UBTD1: variants seen among roughly 807,000 people sequenced by gnomAD.
UBTD1 encodes the protein ubiquitin domain containing 1.
UBTD1 carries 19 observed loss-of-function variants against 21.7 expected under a neutral mutation model. The ratio of observed to expected loss-of-function variants is 0.87; its 90% CI spans 0.61 to 1.28. The LOEUF (loss-of-function observed/expected upper bound fraction) is 1.28, where lower values mean the gene tolerates loss of function less well. UBTD1 is among the 50% of genes most tolerant of loss of function. UBTD1 has a pLI of 0.00. For synonymous variants in UBTD1, 116 were observed against 135.1 expected (o/e 0.86, Z 0.98); for missense variants, 282 against 315.1 (o/e 0.89, Z 0.80).
intron 2 of UBTD1, among the ~76,000 whole-genome samples, chr10:97,568,790 A>G (rs2040730942): frequency 1.3e-5 from 2 of 152,188 alleles, no homozygotes; most frequent in South Asian, 4.1e-4. Context: ...CATGTAAAGC[A>G]GAGGGTGACA....
chr10:97,566,613 TG>T (rs544449207), intron 1 of UBTD1, among the ~76,000 whole-genome samples: 244 of 152,368 alleles, frequency 1.6e-3, no homozygotes, highest in Admixed American at 3.8e-3. Context: ...CTAAGGCTAC[TG>T]CAAGAATGAA....
intron 1 of UBTD1, among the ~76,000 whole-genome samples, chr10:97,546,280 G>A (rs1051976981): frequency 1.4e-4 from 22 of 152,052 alleles, no homozygotes; most frequent in African/African-American, 5.1e-4. Flanking sequence ...TGGTGCCTAG[G>A]TGTGTGTTTC....
chr10:97,556,384 G>T (rs2135683617), intron 1 of UBTD1, among the ~76,000 whole-genome samples: 1 of 152,310 alleles, frequency 6.6e-6, no homozygotes, highest in South Asian at 2.1e-4. Flanking sequence ...GTACTCAAGA[G>T]CTAGTCTATT....
intron 1 of UBTD1, among the ~76,000 whole-genome samples, chr10:97,545,387 C>CGTGTGGGTGTGT (rs141608116): frequency 1.4e-4 from 17 of 120,742 alleles, no homozygotes; most frequent in Admixed American, 5.5e-4. Flanking sequence ...GTATGGGGCT[C>CGTGTGGGTGTGT]GTGTGTGTGT....
chr10:97,521,287 G>T (rs1330966003), intron 1 of UBTD1, among the ~76,000 whole-genome samples: 1 of 152,232 alleles, frequency 6.6e-6, no homozygotes, highest in Non-Finnish European at 1.5e-5. Context: ...CTGGTGGAGG[G>T]CACGCTTGAG....
intron 1 of UBTD1, among the ~76,000 whole-genome samples, chr10:97,535,266 A>G (rs757328574): frequency 6.6e-6 from 1 of 152,222 alleles, no homozygotes; most frequent in Non-Finnish European, 1.5e-5. Context: ...ACATATCAAC[A>G]GCTAGGTCTT....
intron 1 of UBTD1, among the ~76,000 whole-genome samples, chr10:97,552,059 G>T (rs1005034621): frequency 6.6e-6 from 1 of 151,992 alleles, no homozygotes; most frequent in African/African-American, 2.4e-5. Flanking sequence ...TTATAGGTGC[G>T]AGCCACTGTG....
chr10:97,535,623 A>C (rs1037124018), intron 1 of UBTD1, among the ~76,000 whole-genome samples: 2 of 152,180 alleles, frequency 1.3e-5, no homozygotes, highest in African/African-American at 4.8e-5. Flanking sequence ...TCAAAAAAGA[A>C]AAAGAAAAAG....
At chr10:97,533,425 C>G (rs1000333184) in intron 1 of UBTD1, among the ~76,000 whole-genome samples, 1 of 152,196 alleles carries the variant, frequency 6.6e-6, no homozygotes, top group African/African-American at 2.4e-5. Context: ...TTTGCTTTCT[C>G]CTGGGTTTCA....
intron 1 of UBTD1, among the ~76,000 whole-genome samples, chr10:97,540,220 A>T (rs939328197): frequency 2.0e-5 from 3 of 152,230 alleles, no homozygotes; most frequent in Non-Finnish European, 2.9e-5. Context: ...AACTTCAAAT[A>T]ACTCAGCTAG....
At chr10:97,504,568 C>T (rs1199763120) in intron 1 of UBTD1, among the ~76,000 whole-genome samples, 2 of 152,182 alleles carry the variant, frequency 1.3e-5, no homozygotes, top group African/African-American at 4.8e-5. Flanking sequence ...TTATGTACCT[C>T]CCTTTCCTGT....
chr10:97,505,095 A>G (rs1589866297), intron 1 of UBTD1, among the ~76,000 whole-genome samples: 1 of 152,190 alleles, frequency 6.6e-6, no homozygotes, highest in South Asian at 2.1e-4. Context: ...GGGCAGGGAT[A>G]GGGTGGCCTA....
In UBTD1 at chr10:97,560,307, A is replaced by G. The variant is rs1048802075; in HGVS notation, c.71-7607A>G. On this transcript the variant is annotated intron_variant, in intron 1 of 2. Coordinates refer to ENST00000370664, the MANE Select transcript of UBTD1 (RefSeq NM_024954.5). ...TAAGGCCACAAGATTAGAAGTTACCATAATACATGTTACACTGTTAACTTT... is the reference window on the plus strand; with the variant it reads ...TAAGGCCACAAGATTAGAAGTTACCGTAATACATGTTACACTGTTAACTTT... 8.5e-5 allele frequency among the ~76,000 whole-genome samples: 13 copies of G among 152,348 alleles called. No individual in the cohort carries two copies. In the East Asian group the frequency reaches 2.5e-3, roughly 29 times the overall value.
intron 1 of UBTD1, among the ~76,000 whole-genome samples, chr10:97,562,527 C>T (rs1056138559): frequency 6.6e-6 from 1 of 151,978 alleles, no homozygotes; most frequent in Non-Finnish European, 1.5e-5. Flanking sequence ...GAGAATATTA[C>T]AAAGTACCTT....
At chr10:97,501,451 G>T (rs2040375986) in intron 1 of UBTD1, among the ~76,000 whole-genome samples, 1 of 152,152 alleles carries the variant, frequency 6.6e-6, no homozygotes, top group South Asian at 2.1e-4. Flanking sequence ...GCCAGGCATG[G>T]TGGTGGCAGG....
At chr10:97,564,017 C>T (rs1161819762) in intron 1 of UBTD1, among the ~76,000 whole-genome samples, 1 of 151,996 alleles carries the variant, frequency 6.6e-6, no homozygotes, top group Non-Finnish European at 1.5e-5. Context: ...AACGGTGAAC[C>T]CAATGGGGAG....
intron 1 of UBTD1, among the ~76,000 whole-genome samples, chr10:97,550,603 G>A (rs774076416): frequency 3.9e-5 from 6 of 152,156 alleles, no homozygotes; most frequent in Non-Finnish European, 7.4e-5. Flanking sequence ...TGAGAACCGC[G>A]CTGGGCCAGG....
At chr10:97,504,899 A>G (rs2040391997) in intron 1 of UBTD1, among the ~76,000 whole-genome samples, 1 of 152,158 alleles carries the variant, frequency 6.6e-6, no homozygotes, top group African/African-American at 2.4e-5. Flanking sequence ...TGGGATATAT[A>G]TGACTCCTGT....
chr10:97,502,046 C>T (rs917909224), intron 1 of UBTD1, among the ~76,000 whole-genome samples: 13 of 152,142 alleles, frequency 8.5e-5, no homozygotes, highest in African/African-American at 2.9e-4. Flanking sequence ...CTGTCTTATC[C>T]TTGTAGTATA....
Sources: gnomAD v4.1 joint callset for allele counts (sites outside exome capture counted in the v4.1 genomes callset) on GRCh38, gnomAD v4.1.1 for gene constraint, MANE v1.5 for transcripts, NCBI Gene and HGNC (gene_info 2026-07-23, HGNC 2026-07-21) for gene names.